The following MAML2 variants were observed in gnomAD, a reference collection of about 807,000 sequenced individuals.
MAML2 encodes the protein mastermind like transcriptional coactivator 2, also known as mastermind-like protein 2.
Under a neutral mutation model 96.1 loss-of-function variants are expected in MAML2, and 22 were observed. That is an observed-to-expected ratio of 0.23 (90% CI 0.16 to 0.33). The LOEUF is 0.33. Ranked by LOEUF, MAML2 falls within the 10% of genes least tolerant of loss-of-function variation. The pLI, the probability that MAML2 is intolerant of heterozygous loss-of-function variation, is 1.00. For missense variants in MAML2, 1,367 were observed against 1,392.4 expected (o/e 0.98, Z 0.29); for synonymous variants, 561 against 521.3 (o/e 1.08, Z -1.04).
chr11:96,342,971 A>T lies in MAML2; in HGVS notation c.-1076T>A. On this transcript the variant is annotated 5_prime_UTR_variant, in exon 1 of 5. It removes an upstream start codon present in the reference 5' UTR. Coordinates refer to ENST00000524717, the MANE Select transcript of MAML2 (RefSeq NM_032427.4). ...TTTTCTGTCCACTTTTGTACATTCC[A>T]TCCCCGGCCAGTGGATCTGAGGGTC... is the stretch of plus-strand genomic sequence containing the variant. 2.6e-6 allele frequency: 1 copy of T among 386,788 alleles called. No homozygotes were observed. The allele number at this position is 386,788 out of a possible 1,614,324, so 24.0% of individuals were successfully genotyped here.
chr11:96,034,456 A>AGAGAGAGT lies in MAML2; in HGVS notation c.2140-42734_2140-42733insACTCTCTC, dbSNP rs766634690. Among the ~76,000 whole-genome samples the AGAGAGAGT allele has an allele frequency of 2.1e-3, 309 of 144,810 alleles. 2 individuals are homozygous for AGAGAGAGT. Among genetic ancestry groups the AGAGAGAGT allele is most frequent in the African/African-American group, 6.8e-3 (259 of 38,070 alleles). Reference sequence around the variant, plus strand: ...GTGAGAGAGAGAGAGAGAGAGAGAGAGTGTGTGTGTGTGTGTGTGTCAGAG... The same window carrying AGAGAGAGT: ...GTGAGAGAGAGAGAGAGAGAGAGAGAGAGAGAGTGTGTGTGTGTGTGTGTGTGTCAGAG... On this transcript the variant is annotated intron_variant, in intron 2 of 4. Coordinates refer to ENST00000524717, the MANE Select transcript of MAML2 (RefSeq NM_032427.4).
intron 1 of MAML2, among the ~76,000 whole-genome samples, chr11:96,294,859 A>G (rs1008787675): frequency 6.6e-6 from 1 of 152,222 alleles, no homozygotes; most frequent in African/African-American, 2.4e-5. Context: ...CAAGCTGCTA[A>G]GTGGCAGCAT....
chr11:96,170,744 T>A (rs1303696797), intron 1 of MAML2, among the ~76,000 whole-genome samples: 1 of 152,160 alleles, frequency 6.6e-6, no homozygotes, highest in African/African-American at 2.4e-5. Context: ...AGATGGAGTC[T>A]TGCTCTGTCG....
intron 1 of MAML2, among the ~76,000 whole-genome samples, chr11:96,159,407 CTTTTT>C (rs760811590): frequency 4.4e-5 from 4 of 91,122 alleles, no homozygotes; most frequent in Non-Finnish European, 5.9e-5. Flanking sequence ...ACCACTGATT[CTTTTT>C]TTTTTTTTTT....
intron 1 of MAML2, among the ~76,000 whole-genome samples, chr11:96,188,520 C>G (rs75412844): frequency 6.6e-6 from 1 of 152,166 alleles, no homozygotes; most frequent in South Asian, 2.1e-4. Flanking sequence ...AAAGAGAAAG[C>G]CTGTATGTCC....
chr11:96,341,101 T>C (rs994404605), intron 1 of MAML2, among the ~76,000 whole-genome samples: 4 of 152,154 alleles, frequency 2.6e-5, no homozygotes, highest in African/African-American at 9.7e-5. Flanking sequence ...TGGTAGCCTC[T>C]TCTTTTATAA....
intron 1 of MAML2, among the ~76,000 whole-genome samples, chr11:96,286,845 T>C (rs1490076309): frequency 6.6e-6 from 1 of 152,178 alleles, no homozygotes; most frequent in Non-Finnish European, 1.5e-5. Context: ...CAGAAATTGA[T>C]TAAACTATTC....
At chr11:96,266,214 T>G (rs1862823724) in intron 1 of MAML2, among the ~76,000 whole-genome samples, 1 of 152,058 alleles carries the variant, frequency 6.6e-6, no homozygotes, top group South Asian at 2.1e-4. Context: ...ACAAAGGAAC[T>G]TTTCCCATTT....
intron 1 of MAML2, among the ~76,000 whole-genome samples, chr11:96,233,467 G>A (rs1244772602): frequency 6.6e-6 from 1 of 151,462 alleles, no homozygotes; most frequent in Non-Finnish European, 1.5e-5. Flanking sequence ...GAGTGTAGTG[G>A]TGCAATCATA....
intron 1 of MAML2, among the ~76,000 whole-genome samples, chr11:96,303,232 T>G (rs956296296): frequency 1.3e-5 from 2 of 152,212 alleles, no homozygotes; most frequent in Non-Finnish European, 2.9e-5. Flanking sequence ...ACAGGAGAGA[T>G]AAAACTCCCT....
At chr11:96,192,731 C>T (rs968700287) in intron 1 of MAML2, among the ~76,000 whole-genome samples, 18 of 152,158 alleles carry the variant, frequency 1.2e-4, no homozygotes, top group Non-Finnish European at 2.5e-4. Flanking sequence ...AATAAGACTG[C>T]CTTCCAGTCT....
intron 1 of MAML2, among the ~76,000 whole-genome samples, chr11:96,191,788 C>T (rs1305478360): frequency 7.4e-6 from 1 of 135,734 alleles, no homozygotes; most frequent in South Asian, 2.3e-4. Flanking sequence ...AAAAAAAAAC[C>T]ACAAAAGAAT....
At chr11:96,112,172 C>A (rs1230972902) in intron 1 of MAML2, among the ~76,000 whole-genome samples, 1 of 152,206 alleles carries the variant, frequency 6.6e-6, no homozygotes, top group African/African-American at 2.4e-5. Flanking sequence ...GGATAGGGCA[C>A]TCTATACATA....
chr11:96,182,809 C>T (rs1157059594), intron 1 of MAML2, among the ~76,000 whole-genome samples: 1 of 152,162 alleles, frequency 6.6e-6, no homozygotes, highest in Middle Eastern at 3.2e-3. Context: ...AAGATGTTTG[C>T]TCTCGCTGGA....
At chr11:96,024,739 C>T (rs1054376263) in intron 2 of MAML2, among the ~76,000 whole-genome samples, 6 of 152,306 alleles carry the variant, frequency 3.9e-5, no homozygotes, top group African/African-American at 1.2e-4. Flanking sequence ...CTTCTCGGAA[C>T]GGTTCTGGTA....
intron 1 of MAML2, among the ~76,000 whole-genome samples, chr11:96,261,648 A>G (rs938627328): frequency 5.9e-5 from 9 of 152,242 alleles, no homozygotes; most frequent in Non-Finnish European, 7.3e-5. Flanking sequence ...AAGGAACACA[A>G]CATAATGAAT....
intron 2 of MAML2, among the ~76,000 whole-genome samples, chr11:96,073,019 C>A (rs1250837660): frequency 6.6e-6 from 1 of 152,178 alleles, no homozygotes; most frequent in Admixed American, 6.5e-5. Context: ...TATTTCCAAT[C>A]TGTGAGGACT....
chr11:96,338,743 T>G (rs1057124373), intron 1 of MAML2, among the ~76,000 whole-genome samples: 4 of 152,236 alleles, frequency 2.6e-5, no homozygotes, highest in African/African-American at 9.6e-5. Context: ...CTATTAAAGT[T>G]ATACATTCAA....
chr11:96,217,538 T>C (rs1250141073), intron 1 of MAML2, among the ~76,000 whole-genome samples: 8 of 152,210 alleles, frequency 5.3e-5, no homozygotes, highest in Admixed American at 5.2e-4. Context: ...TTATCTGTGT[T>C]TTTGCTCTAT....
Sources: allele counts gnomAD v4.1 joint callset (sites outside exome capture counted in the v4.1 genomes callset), GRCh38; gene constraint gnomAD v4.1.1; transcripts MANE v1.5; gene names NCBI Gene and HGNC (gene_info 2026-07-23, HGNC 2026-07-21).